The following ZCWPW1 variants were observed in gnomAD, a reference collection of about 807,000 sequenced individuals.
The protein encoded by ZCWPW1 is zinc finger CW-type PWWP domain protein 1.
ZCWPW1 carries 56 observed loss-of-function variants against 81.3 expected under a neutral mutation model. The ratio of observed to expected loss-of-function variants is 0.69; its 90% CI spans 0.56 to 0.86. ZCWPW1 has a LOEUF of 0.86. Among genes scored for constraint, ZCWPW1 ranks in the 40% least tolerant of loss-of-function variants. The pLI, the probability that ZCWPW1 is intolerant of heterozygous loss-of-function variation, is 0.00. For missense variants in ZCWPW1, 650 were observed against 769.8 expected (o/e 0.84, Z 1.84); for synonymous variants, 250 against 273.7 (o/e 0.91, Z 0.86).
intron 13 of ZCWPW1, 107 bp from the exon 14 acceptor site, chr7:100,404,351 T>A (rs1792543126): frequency 3.0e-6 from 3 of 1,001,890 alleles, no homozygotes; most frequent in Middle Eastern, 2.1e-4. Context: ...TCATTTTCCA[T>A]ACCAAAATTA....
At chr7:100,420,372 T>C (rs1285759274) in intron 3 of ZCWPW1, among the ~76,000 whole-genome samples, 3 of 152,250 alleles carry the variant, frequency 2.0e-5, no homozygotes, top group African/African-American at 7.2e-5. Context: ...TGCACATAAC[T>C]GGTGGCATTT....
chr7:100,406,659 C>A, intron 12 of ZCWPW1, 35 bp downstream of exon 12: 1 of 1,574,406 alleles, frequency 6.4e-7, no homozygotes, highest in South Asian at 1.1e-5. Context: ...ATTTTGTTTT[C>A]TCTGTATCAC....
chr7:100,427,474 C>T (rs1013423376), intron 1 of ZCWPW1, among the ~76,000 whole-genome samples: 2 of 150,702 alleles, frequency 1.3e-5, no homozygotes, highest in African/African-American at 2.4e-5. Context: ...CCAAGGTGGG[C>T]GGATCACCTA....
intron 8 of ZCWPW1, among the ~76,000 whole-genome samples, chr7:100,412,344 AC>A (rs1176567545): frequency 6.6e-5 from 10 of 152,168 alleles, no homozygotes. Flanking sequence ...ACCTAAATGT[AC>A]CCAAACCTGA....
Position 100,401,980 on chromosome 7 carries a change from C to T in ZCWPW1, c.1536G>A (p.Met512Ile). The T allele has an allele frequency of 6.2e-7, 1 of 1,614,180 alleles. No homozygotes were observed. Among genetic ancestry groups the T allele is most frequent in the Non-Finnish European group, 8.5e-7 (1 of 1,180,028 alleles). The change falls in exon 17 of 18, where the codon ATG becomes ATA. Residue 512 changes from methionine (M) to isoleucine (I), a missense_variant. Transcript: ENST00000684423. The part of the protein sequence containing the change: ...GRGRTLQRKI[M>I]KRSLGRKSTA... ...TGGATTTCCTGCCTAGAGATCTCTTCATTATCTTCCTCTGCAGTGTCCTGC... is the reference window on the plus strand; with the variant it reads ...TGGATTTCCTGCCTAGAGATCTCTTTATTATCTTCCTCTGCAGTGTCCTGC...
At chr7:100,417,709 C>T (rs1046951862) in intron 5 of ZCWPW1, among the ~76,000 whole-genome samples, 1 of 150,034 alleles carries the variant, frequency 6.7e-6, no homozygotes, top group Non-Finnish European at 1.5e-5. Flanking sequence ...CAGAGTGAGA[C>T]TCCATCTAAA....
chr7:100,423,504 G>A (rs1409132209), intron 2 of ZCWPW1, among the ~76,000 whole-genome samples: 1 of 152,164 alleles, frequency 6.6e-6, no homozygotes, highest in Non-Finnish European at 1.5e-5. Flanking sequence ...TTTTGACAGC[G>A]TGGCCACAGC....
chr7:100,419,974 A>C (rs1434132187), intron 3 of ZCWPW1, 91 bp from the exon 4 acceptor site: 1 of 1,043,700 alleles, frequency 9.6e-7, no homozygotes, highest in African/African-American at 1.6e-5. Flanking sequence ...TAACAGAATG[A>C]TATGGAGAGA....
At chr7:100,406,534 T>C (rs944090049) in intron 12 of ZCWPW1, among the ~76,000 whole-genome samples, 160 bp downstream of exon 12, 2 of 152,096 alleles carry the variant, frequency 1.3e-5, no homozygotes, top group Non-Finnish European at 1.5e-5. Context: ...GCTGCAGTCC[T>C]GGGAGCAAGA....
At chr7:100,415,449 A>G (rs1584268585) in intron 8 of ZCWPW1, among the ~76,000 whole-genome samples, 1 of 151,746 alleles carries the variant, frequency 6.6e-6, no homozygotes, top group Non-Finnish European at 1.5e-5. Flanking sequence ...AAAAGTGTCT[A>G]CTCTTCAACC....
At chr7:100,412,478 T>G (rs1462835733) in intron 8 of ZCWPW1, among the ~76,000 whole-genome samples, 1 of 152,238 alleles carries the variant, frequency 6.6e-6, no homozygotes, top group Non-Finnish European at 1.5e-5. Flanking sequence ...CCTTCCAGTA[T>G]CTAATTCATT....
intron 1 of ZCWPW1, among the ~76,000 whole-genome samples, chr7:100,428,192 A>G (rs1167888648): frequency 1.3e-5 from 2 of 152,106 alleles, no homozygotes; most frequent in African/African-American, 4.8e-5. Context: ...CGATGGGCGG[A>G]ACCAGCTGCC....
At chr7:100,411,551 G>A (rs1254414420) in intron 8 of ZCWPW1, among the ~76,000 whole-genome samples, 3 of 152,130 alleles carry the variant, frequency 2.0e-5, no homozygotes, top group Non-Finnish European at 4.4e-5. Context: ...TTACAGGGGT[G>A]AGCCACCATG....
At chr7:100,425,586 G>A (rs1028582560) in intron 1 of ZCWPW1, among the ~76,000 whole-genome samples, 1 of 151,990 alleles carries the variant, frequency 6.6e-6, no homozygotes, top group African/African-American at 2.4e-5. Context: ...ATCCTAGGGG[G>A]CCCTCTCCCT....
At chr7:100,422,095 T>C (rs1217896183) in intron 2 of ZCWPW1, among the ~76,000 whole-genome samples, 1 of 152,212 alleles carries the variant, frequency 6.6e-6, no homozygotes, top group Non-Finnish European at 1.5e-5. Flanking sequence ...TAGCATTCCA[T>C]TTAATTCTCA....
intron 12 of ZCWPW1, 94 bp from the exon 13 acceptor site, chr7:100,405,187 T>C: frequency 8.2e-7 from 1 of 1,222,084 alleles, no homozygotes; most frequent in Non-Finnish European, 1.2e-6. Context: ...CCCAGCACTT[T>C]GGGAGGCCGA....
chr7:100,425,682 A>G (rs570440683), intron 1 of ZCWPW1, among the ~76,000 whole-genome samples: 1 of 152,362 alleles, frequency 6.6e-6, no homozygotes, highest in African/African-American at 2.4e-5. Context: ...ATGCAGAAAC[A>G]GACGAGAACC....
At position 100,424,716 on chromosome 7, in the gene ZCWPW1, T is replaced by A. The variant is rs774048923; in HGVS notation, c.-30+314A>T. 7.0e-4 allele frequency among the ~76,000 whole-genome samples: 107 copies of A among 152,054 alleles called. 1 individual carries two copies. The highest frequency in any genetic ancestry group is 2.2e-4 in the Non-Finnish European group (15 of 68,006). On this transcript the variant is annotated intron_variant, in intron 2 of 17. Coordinates refer to ENST00000684423, the MANE Select transcript of ZCWPW1 (RefSeq NM_001386010.1). Reference sequence around the variant, plus strand: ...ACCTCATGATCCACCTGCCTCAGCCTCCCAAAGTGCTGGGATTACAGGCAT... The same window carrying A: ...ACCTCATGATCCACCTGCCTCAGCCACCCAAAGTGCTGGGATTACAGGCAT...
chr7:100,415,829 ATTCT>A (rs1436671848), intron 8 of ZCWPW1, 142 bp downstream of exon 8: 5 of 1,131,438 alleles, frequency 4.4e-6, no homozygotes, highest in Non-Finnish European at 6.3e-6. Context: ...GAATGAAATT[ATTCT>A]TTCGGCAGCA....
Sources: allele counts gnomAD v4.1 joint callset (sites outside exome capture counted in the v4.1 genomes callset), GRCh38; gene constraint gnomAD v4.1.1; transcripts MANE v1.5; gene names NCBI Gene and HGNC (gene_info 2026-07-23, HGNC 2026-07-21).